HK1: variants seen among roughly 807,000 people sequenced by gnomAD.
HK1 encodes the protein hexokinase 1.
In HK1, 28 loss-of-function variants were observed where a neutral mutation model predicts 91.6. That is an observed-to-expected ratio of 0.31 (90% confidence interval 0.23 to 0.42). The LOEUF (loss-of-function observed/expected upper bound fraction) is 0.42. Among genes scored for constraint, HK1 ranks in the 10% least tolerant of loss-of-function variants. The pLI, the probability that HK1 is intolerant of heterozygous loss-of-function variation, is 1.00. For synonymous variants in HK1, 430 were observed against 468.1 expected, an observed-to-expected ratio of 0.92 and a Z score of 1.05; for missense variants, 770 against 1,219.8, an observed-to-expected ratio of 0.63 and a Z score of 5.49.
At chr10:69,275,674 T>C (rs1226246988) in intron 1 of HK1, among the ~76,000 whole-genome samples, 1 of 152,218 alleles carries the variant, frequency 6.6e-6, no homozygotes, top group Admixed American at 6.5e-5. Context: ...GTTGGATTTG[T>C]CCTGCAATTC....
chr10:69,298,875 C>T (rs2132490228), intron 4 of HK1, among the ~76,000 whole-genome samples: 1 of 151,818 alleles, frequency 6.6e-6, no homozygotes, highest in South Asian at 2.1e-4. Context: ...TACAGAGTGC[C>T]TTGAGAGAAT....
intron 5 of HK1, among the ~76,000 whole-genome samples, chr10:69,306,124 A>C (rs539893677): frequency 1.2e-4 from 18 of 152,166 alleles, no homozygotes; most frequent in African/African-American, 4.3e-4. Context: ...TGGGAGGCCA[A>C]GGCGGGCAGA....
chr10:69,283,310 C>A (rs1844854358), intron 2 of HK1, among the ~76,000 whole-genome samples: 1 of 148,578 alleles, frequency 6.7e-6, no homozygotes, highest in South Asian at 2.1e-4. Flanking sequence ...AAAAATTAGC[C>A]TGACGTGGTG....
At chr10:69,386,467 T>C in intron 13 of HK1, 49 bp downstream of exon 13, 2 of 1,420,052 alleles carry the variant, frequency 1.4e-6, no homozygotes, top group Non-Finnish European at 2.0e-6. Context: ...TTTAGGGGCT[T>C]CTAAAAAGTG....
chr10:69,290,356 C>T (rs1051261680), intron 3 of HK1, among the ~76,000 whole-genome samples: 1 of 152,160 alleles, frequency 6.6e-6, no homozygotes. Flanking sequence ...AGGTGAGGGT[C>T]TTGGGCACGC....
chr10:69,338,728 T>C (rs1387666723), intron 1 of HK1: 16 of 1,257,894 alleles, frequency 1.3e-5, no homozygotes, highest in Admixed American at 2.3e-5. Context: ...TGTGTGTGTA[T>C]GTGTGAGTGT....
intron 7 of HK1, among the ~76,000 whole-genome samples, chr10:69,370,906 G>A (rs1022434162): frequency 4.6e-5 from 7 of 152,120 alleles, no homozygotes; most frequent in African/African-American, 1.7e-4. Flanking sequence ...TGTGATGCTG[G>A]CATGCTGCTA....
At chr10:69,289,460 AATT>A (rs1483335054) in intron 3 of HK1, among the ~76,000 whole-genome samples, 15 of 93,734 alleles carry the variant, frequency 1.6e-4, no homozygotes, top group African/African-American at 5.6e-4. Flanking sequence ...TAAAAAAAAA[AATT>A]TTTTTTTTTT....
rs1765394087 is a variant in HK1, at chr10:69,380,911, A to G, written c.1265+816A>G. Among the ~76,000 whole-genome samples, 1 of 152,244 alleles carries G rather than the reference A, an allele frequency of 6.6e-6. No homozygotes were observed. The highest frequency in any genetic ancestry group is 2.4e-5 in the African/African-American group (1 of 41,468). On this transcript the variant is annotated intron_variant, in intron 9 of 17. Transcript: ENST00000359426. This position sits in a 1 kb window ranked among gnomAD's most constrained non-coding sequence, Gnocchi z 4.0. ...GCACAGGACCTCAGAGTTGTTTCCCACTGTACATATAAATACAATGTGCAT... is the reference window on the plus strand; with the variant it reads ...GCACAGGACCTCAGAGTTGTTTCCCGCTGTACATATAAATACAATGTGCAT...
chr10:69,341,734 G>A (rs1051942687), intron 1 of HK1, among the ~76,000 whole-genome samples: 3 of 151,898 alleles, frequency 2.0e-5, no homozygotes, highest in Non-Finnish European at 4.4e-5. Flanking sequence ...AGAATTACAG[G>A]TGTCAGCCAC....
At chr10:69,395,404 C>T (rs936271873) in intron 16 of HK1, among the ~76,000 whole-genome samples, 42 of 152,126 alleles carry the variant, frequency 2.8e-4, no homozygotes, top group South Asian at 8.3e-4. Flanking sequence ...TGGTGAAACC[C>T]GATCTCTACT....
At chr10:69,383,980 C>T (rs1839513900) in intron 10 of HK1, among the ~76,000 whole-genome samples, 1 of 152,278 alleles carries the variant, frequency 6.6e-6, no homozygotes, top group African/African-American at 2.4e-5. Flanking sequence ...AAGGATTTTG[C>T]ACATGCAGGG....
At chr10:69,367,427 T>C (rs1474899676) in intron 4 of HK1, among the ~76,000 whole-genome samples, 1 of 152,142 alleles carries the variant, frequency 6.6e-6, no homozygotes, top group Non-Finnish European at 1.5e-5. Flanking sequence ...GGGCAGACAG[T>C]ATGAAGTGGG....
chr10:69,288,858 C>G, intron 3 of HK1: 1 of 1,102,746 alleles, frequency 9.1e-7, no homozygotes, highest in South Asian at 1.3e-5. Flanking sequence ...GCGATCTCGG[C>G]TCACTATAAC....
intron 5 of HK1, among the ~76,000 whole-genome samples, chr10:69,304,293 T>C (rs1194902860): frequency 6.7e-6 from 1 of 149,448 alleles, no homozygotes; most frequent in Admixed American, 6.7e-5. Flanking sequence ...TTTATTTATT[T>C]ATTTATTTAT....
In HK1 at chr10:69,292,327, C is replaced by T. The variant is rs4746836; in HGVS notation, c.-114-3306C>T. 196,021 of 437,766 alleles carry T rather than the reference C, an allele frequency of 0.45. 47,170 individuals carry two copies. The highest frequency in any genetic ancestry group is 0.62 in the East Asian group (7,871 of 12,750). 27.1% of individuals were successfully genotyped at this position (437,766 alleles called of 1,614,324 possible). A position where few individuals can be genotyped will look rare whatever the true frequency, so the allele number is the denominator to read the frequency against. On this transcript the variant is annotated intron_variant, in intron 3 of 21. Transcript: ENST00000360289. ...GCGTCAAGTGATCCTCCTGCCTCAG[C>T]CTCCTAAAGTGCTGGGATTACAGGT...
intron 16 of HK1, among the ~76,000 whole-genome samples, chr10:69,395,327 C>A (rs1564570901): frequency 6.6e-6 from 1 of 152,170 alleles, no homozygotes; most frequent in Non-Finnish European, 1.5e-5. Flanking sequence ...CCTGTAATCC[C>A]AGCACTTTGG....
At chr10:69,387,137 G>A (rs367696286) in intron 13 of HK1, among the ~76,000 whole-genome samples, 231 of 152,272 alleles carry the variant, frequency 1.5e-3, no homozygotes, top group Non-Finnish European at 2.1e-3. Context: ...GATGGATTTA[G>A]ACAAGAATAA....
chr10:69,364,651 T>C, intron 3 of HK1, 132 bp from the exon 4 acceptor site: 2 of 1,143,928 alleles, frequency 1.7e-6, no homozygotes, highest in Non-Finnish European at 1.3e-6. Context: ...GGCCACCAGG[T>C]CCCAGGAGTA....
Sources: gnomAD v4.1 joint callset for allele counts (sites outside exome capture counted in the v4.1 genomes callset) on GRCh38, gnomAD v4.1.1 for gene constraint, Gnocchi (gnomAD v3.1) non-coding constraint, MANE v1.5 for transcripts, NCBI Gene and HGNC (gene_info 2026-07-23, HGNC 2026-07-21) for gene names.